Variants in CREB3L2 observed in about 807,000 individuals in gnomAD.
CREB3L2 encodes cyclic AMP-responsive element-binding protein 3-like protein 2.
Under a neutral mutation model 57.2 loss-of-function variants are expected in CREB3L2, and 23 were observed. The ratio of observed to expected loss-of-function variants is 0.40; its 90% CI spans 0.29 to 0.57. The LOEUF (loss-of-function observed/expected upper bound fraction) is 0.57. CREB3L2 is among the 20% of genes least tolerant of loss of function. The pLI, the probability that CREB3L2 is intolerant of heterozygous loss-of-function variation, is 0.42. For missense variants in CREB3L2, 628 were observed against 634.7 expected, an observed-to-expected ratio of 0.99 and a Z score of 0.11; for synonymous variants, 268 against 265.1, an observed-to-expected ratio of 1.01 and a Z score of -0.11.
rs1799313912 is a variant in CREB3L2 at position 137,882,424 on chromosome 7, A to G, written c.1475T>C (p.Leu492Pro). Reference protein sequence around the residue: ...TSLEKSVLLELQQHLVSAKLE... With the variant: ...TSLEKSVLLEPQQHLVSAKLE... ...CTCTATGACTCACAGGTGCTGCTGCAGCTCCAAAAGCACTGACTTCTCCAG... is the reference window on the plus strand; with the variant it reads ...CTCTATGACTCACAGGTGCTGCTGCGGCTCCAAAAGCACTGACTTCTCCAG... Residue 492 changes from leucine to proline, a missense_variant, in exon 11 of 12, where the codon CTG becomes CCG. Around this residue, in one of 3 missense-constraint regions of CREB3L2, gnomAD observed 272 missense variants for 242.7 expected, o/e 1.12. Transcript: ENST00000330387. The G allele has an allele frequency of 6.8e-6, 11 of 1,612,890 alleles. No homozygotes were observed. Among genetic ancestry groups the G allele is most frequent in the South Asian group, 1.1e-5 (1 of 90,998 alleles).
chr7:137,903,963 T>A lies in CREB3L2; in HGVS notation c.970A>T (p.Lys324Ter). ...KKKEYMDSLE[K>*]KVESCSTENL... ...ACAGTTTGCCAGCAGGCTTACTTTT[T>A]CTCCAGGCTGTCCATGTATTCTTTC... is the stretch of plus-strand genomic sequence containing the variant. The change falls in exon 7 of 12, where the codon AAA becomes TAA. Residue 324 changes from lysine to a stop codon, truncating the protein, a stop_gained. Transcript: ENST00000330387. LOFTEE classifies it high-confidence loss of function. 6.2e-7 allele frequency: 1 copy of A among 1,613,706 alleles called. No individual in the cohort carries two copies. The highest frequency in any genetic ancestry group is 8.5e-7 in the Non-Finnish European group (1 of 1,179,586).
intron 1 of CREB3L2, among the ~76,000 whole-genome samples, chr7:137,990,465 T>G (rs1311242907): frequency 6.6e-6 from 1 of 152,208 alleles, no homozygotes; most frequent in Non-Finnish European, 1.5e-5. Context: ...TCTTCCTTCC[T>G]ACTCTACTTG....
rs142520842 is a variant in CREB3L2, at chr7:137,922,485, TACACACACAC to T, written c.319+5655_319+5664del. On this transcript the variant is annotated intron_variant, in intron 2 of 11. Coordinates refer to ENST00000330387, the MANE Select transcript of CREB3L2 (RefSeq NM_194071.4). ...ATATATATATACACACATATATATA[TACACACACAC>T]ACACACACACACAATATATATATAT... 3.9e-5 allele frequency: 7 copies of T among 178,084 alleles called. No homozygotes were observed. In the East Asian group the frequency reaches 5.9e-4, roughly 15 times the overall value. 11.0% of individuals were successfully genotyped at this position (178,084 alleles called of 1,614,324 possible). A position where few individuals can be genotyped will look rare whatever the true frequency, so the allele number is the denominator to read the frequency against.
chr7:137,898,524 A>G (rs889694838), intron 8 of CREB3L2, among the ~76,000 whole-genome samples: 1 of 152,254 alleles, frequency 6.6e-6, no homozygotes, highest in Non-Finnish European at 1.5e-5. Context: ...AGGAGAAATG[A>G]TAGAATTCTA....
intron 2 of CREB3L2, among the ~76,000 whole-genome samples, chr7:137,916,979 C>G (rs1186226095): frequency 2.0e-5 from 3 of 151,582 alleles, no homozygotes; most frequent in Non-Finnish European, 4.4e-5. Flanking sequence ...TGTTTTTGTC[C>G]TCTTCTGTTT....
chr7:137,982,533 C>T (rs969271528), intron 1 of CREB3L2, among the ~76,000 whole-genome samples: 6 of 152,074 alleles, frequency 3.9e-5, no homozygotes, highest in Admixed American at 6.5e-5. Context: ...GTATCGTTCT[C>T]GTGATAGTGA....
At chr7:137,937,888 C>CTT (rs5887861) in intron 1 of CREB3L2, among the ~76,000 whole-genome samples, 7 of 145,756 alleles carry the variant, frequency 4.8e-5, no homozygotes, top group Admixed American at 1.4e-4. Flanking sequence ...CCAGATGAAC[C>CTT]TTTTTTTTTT....
rs763783033 is a variant in CREB3L2 at position 137,913,095 on chromosome 7, A to G, written c.496-17T>C. 1.2e-6 allele frequency: 2 copies of G among 1,609,674 alleles called. No individual in the cohort carries two copies. Among genetic ancestry groups the G allele is most frequent in the South Asian group, 2.2e-5 (2 of 90,476 alleles). The stretch of plus-strand genomic sequence containing the variant: ...GGAATCAACCTGGAGGAAGAATTTC[A>G]AACACAATTTTTAAAAACCAATCAC... On this transcript the variant is annotated splice_polypyrimidine_tract_variant and intron_variant, in intron 3 of 11. Transcript: ENST00000330387.
At chr7:137,883,425 C>T (rs1227523160) in intron 10 of CREB3L2, among the ~76,000 whole-genome samples, 1 of 152,130 alleles carries the variant, frequency 6.6e-6, no homozygotes, top group African/African-American at 2.4e-5. Flanking sequence ...GAAGATAGAA[C>T]TGAACCCTAT....
intron 4 of CREB3L2, 121 bp downstream of exon 4, chr7:137,912,870 T>G: frequency 6.5e-7 from 1 of 1,546,516 alleles, no homozygotes; most frequent in Non-Finnish European, 8.7e-7. Flanking sequence ...CAGAGCTATT[T>G]CATAAAGCCA....
At chr7:137,967,237 C>T (rs923783020) in intron 1 of CREB3L2, among the ~76,000 whole-genome samples, 1 of 152,222 alleles carries the variant, frequency 6.6e-6, no homozygotes, top group African/African-American at 2.4e-5. Flanking sequence ...AAGAAATAAA[C>T]GTCTGCTGTT....
rs1799193426 is a variant in CREB3L2, at chr7:137,877,885, T to C, written c.*2591A>G. On this transcript the variant is annotated 3_prime_UTR_variant, in exon 12 of 12. Transcript: ENST00000330387. Reference sequence around the variant, plus strand: ...ACTATTTGGAACCAATCTGGTGCTATACAACTCTTCTGTGTCCTCTTGACC... The same window carrying C: ...ACTATTTGGAACCAATCTGGTGCTACACAACTCTTCTGTGTCCTCTTGACC... 1 of 228,676 alleles carries C rather than the reference T, an allele frequency of 4.4e-6. No individual in the cohort carries two copies. The highest frequency in any genetic ancestry group is 8.7e-6 in the Non-Finnish European group (1 of 115,262). The allele number at this position is 228,676 out of a possible 1,614,324, so 14.2% of individuals were successfully genotyped here.
intron 7 of CREB3L2, among the ~76,000 whole-genome samples, chr7:137,901,634 ACTTTG>A (rs1324654366): frequency 5.9e-5 from 9 of 151,678 alleles, no homozygotes; most frequent in Non-Finnish European, 1.3e-4. Flanking sequence ...TAATCCCAGC[ACTTTG>A]GGAGGCCGAA....
At chr7:137,901,643 G>A (rs1434127730) in intron 7 of CREB3L2, among the ~76,000 whole-genome samples, 8 of 151,752 alleles carry the variant, frequency 5.3e-5, no homozygotes, top group Admixed American at 3.3e-4. Context: ...CACTTTGGGA[G>A]GCCGAAGCAG....
chr7:137,932,265 T>A (rs1255661451), intron 1 of CREB3L2, among the ~76,000 whole-genome samples: 1 of 152,208 alleles, frequency 6.6e-6, no homozygotes, highest in Non-Finnish European at 1.5e-5. Flanking sequence ...AACCCTCACA[T>A]TTTTATTGTA....
chr7:137,988,261 G>A (rs1388225769), intron 1 of CREB3L2, among the ~76,000 whole-genome samples: 2 of 152,246 alleles, frequency 1.3e-5, no homozygotes, highest in African/African-American at 2.4e-5. Flanking sequence ...ATCCAGCCAC[G>A]GCACGTGGGA....
chr7:137,934,809 T>A (rs761270250), intron 1 of CREB3L2, among the ~76,000 whole-genome samples: 8 of 152,194 alleles, frequency 5.3e-5, no homozygotes, highest in Non-Finnish European at 8.8e-5. Context: ...CATCACAGAA[T>A]CTCTCAGTTG....
chr7:137,982,606 CT>C (rs1267132664), intron 1 of CREB3L2, among the ~76,000 whole-genome samples: 10 of 152,326 alleles, frequency 6.6e-5, no homozygotes, highest in African/African-American at 1.2e-4. Flanking sequence ...CTCTCTCTTG[CT>C]TGCCACCATG....
intron 1 of CREB3L2, among the ~76,000 whole-genome samples, chr7:137,930,237 T>TA (rs1316763877): frequency 2.0e-5 from 3 of 152,202 alleles, no homozygotes; most frequent in Non-Finnish European, 4.4e-5. Flanking sequence ...CACTAGCTAT[T>TA]AGAGATTTCT....
Sources: allele counts gnomAD v4.1 joint callset (sites outside exome capture counted in the v4.1 genomes callset), GRCh38; gene constraint gnomAD v4.1.1; regional missense constraint gnomAD v4.1.1; transcripts MANE v1.5; gene names NCBI Gene and HGNC (gene_info 2026-07-23, HGNC 2026-07-21).